Variants in ARHGAP31 observed in about 807,000 individuals in gnomAD.
ARHGAP31 encodes the protein rho GTPase-activating protein 31.
Under a neutral mutation model 113.9 loss-of-function variants are expected in ARHGAP31, and 34 were observed. That is an observed-to-expected ratio of 0.30 (90% CI 0.23 to 0.40). The LOEUF is 0.40. Ranked by LOEUF, ARHGAP31 falls within the 10% of genes least tolerant of loss-of-function variation. The pLI is 1.00. For missense variants in ARHGAP31, 1,548 were observed against 1,767.1 expected, an observed-to-expected ratio of 0.88 and a Z score of 2.22; for synonymous variants, 650 against 684.8, an observed-to-expected ratio of 0.95 and a Z score of 0.79.
intron 1 of ARHGAP31, among the ~76,000 whole-genome samples, chr3:119,326,524 A>G (rs1005433888): frequency 1.3e-5 from 2 of 152,208 alleles, no homozygotes; most frequent in African/African-American, 4.8e-5. Flanking sequence ...ACAGAGGCCT[A>G]GAAGTGGAAA....
At chr3:119,307,043 G>GTTTTTT (rs11451539) in intron 1 of ARHGAP31, among the ~76,000 whole-genome samples, 1 of 148,932 alleles carries the variant, frequency 6.7e-6, no homozygotes, top group Non-Finnish European at 1.5e-5. Context: ...AAGTCTGTTA[G>GTTTTTT]TTTTTTTTTT....
chr3:119,307,686 A>G (rs1054377008), intron 1 of ARHGAP31, among the ~76,000 whole-genome samples: 1 of 152,118 alleles, frequency 6.6e-6, no homozygotes, highest in African/African-American at 2.4e-5. Flanking sequence ...CCTCCCTTAT[A>G]AAGTTTATGA....
chr3:119,337,853 C>T (rs369957448), intron 1 of ARHGAP31, among the ~76,000 whole-genome samples: 1 of 152,346 alleles, frequency 6.6e-6, no homozygotes, highest in South Asian at 2.1e-4. Context: ...GGTGCATTTA[C>T]AATCCTTTAG....
chr3:119,392,173 T>C (rs1451118130), intron 7 of ARHGAP31, among the ~76,000 whole-genome samples: 1 of 152,178 alleles, frequency 6.6e-6, no homozygotes, highest in Admixed American at 6.5e-5. Flanking sequence ...TGGGTCCAGG[T>C]ATGATGACTC....
intron 1 of ARHGAP31, among the ~76,000 whole-genome samples, chr3:119,328,540 C>T (rs1234510119): frequency 6.6e-6 from 1 of 152,172 alleles, no homozygotes; most frequent in Non-Finnish European, 1.5e-5. Context: ...CATTCTTCTT[C>T]TGGACAGTAT....
intron 1 of ARHGAP31, among the ~76,000 whole-genome samples, chr3:119,298,209 C>T (rs1336010242): frequency 6.6e-6 from 1 of 152,180 alleles, no homozygotes. Context: ...CTGCCCCCAA[C>T]CCCCAGCTCT....
chr3:119,358,062 C>G (rs188742983), intron 1 of ARHGAP31, among the ~76,000 whole-genome samples: 2 of 152,188 alleles, frequency 1.3e-5, no homozygotes, highest in Admixed American at 6.5e-5. Flanking sequence ...TCAAAGAACA[C>G]CATCAAGAAA....
intron 6 of ARHGAP31, 102 bp from the exon 7 acceptor site, chr3:119,390,683 C>T: frequency 1.5e-6 from 2 of 1,306,386 alleles, no homozygotes; most frequent in Non-Finnish European, 2.1e-6. Context: ...GGCACTCAGC[C>T]CCCATCATAG....
intron 1 of ARHGAP31, among the ~76,000 whole-genome samples, chr3:119,343,193 G>T (rs2080024622): frequency 6.6e-6 from 1 of 152,154 alleles, no homozygotes; most frequent in South Asian, 2.1e-4. Flanking sequence ...TATTTATTGA[G>T]CTCCTAGTAG....
chr3:119,300,898 A>G (rs2079578542), intron 1 of ARHGAP31, among the ~76,000 whole-genome samples: 1 of 151,884 alleles, frequency 6.6e-6, no homozygotes, highest in Non-Finnish European at 1.5e-5. Context: ...TGAGTCCAGC[A>G]GAGCTGAAGC....
At chr3:119,352,022 G>A (rs2080114893) in intron 1 of ARHGAP31, among the ~76,000 whole-genome samples, 2 of 152,330 alleles carry the variant, frequency 1.3e-5, no homozygotes, top group African/African-American at 2.4e-5. Flanking sequence ...GCCCCATGGA[G>A]TGAGTGATGT....
At position 119,390,988 on chromosome 3, in the gene ARHGAP31, G is replaced by C. The variant is rs1011936666; in HGVS notation, c.881+5G>C. 1 of 1,614,020 alleles carries C rather than the reference G, an allele frequency of 6.2e-7. No homozygotes were observed. Among genetic ancestry groups the C allele is most frequent in the Non-Finnish European group, 8.5e-7 (1 of 1,179,936 alleles). On this transcript the variant is annotated splice_donor_5th_base_variant and intron_variant, in intron 7 of 11. Transcript: ENST00000264245. Reference sequence around the variant, plus strand: ...CCTTGAGTTACCAGACAACAAGTAAGTGGCACTCTTTTAAAAAATTCTAGG... The same window carrying C: ...CCTTGAGTTACCAGACAACAAGTAACTGGCACTCTTTTAAAAAATTCTAGG...
At chr3:119,381,967 C>T (rs1049901978) in intron 4 of ARHGAP31, among the ~76,000 whole-genome samples, 38 of 126,444 alleles carry the variant, frequency 3.0e-4, no homozygotes, top group Non-Finnish European at 5.3e-4. Flanking sequence ...GCCTGGGCGA[C>T]AGAGCGAGAC....
chr3:119,377,328 A>G (rs547566927), intron 3 of ARHGAP31, among the ~76,000 whole-genome samples: 9 of 152,360 alleles, frequency 5.9e-5, no homozygotes, highest in African/African-American at 1.4e-4. Context: ...AAAATAATGC[A>G]GGGCACAGTG....
At chr3:119,313,878 G>C (rs1033384029) in intron 1 of ARHGAP31, among the ~76,000 whole-genome samples, 2 of 152,202 alleles carry the variant, frequency 1.3e-5, no homozygotes, top group Non-Finnish European at 2.9e-5. Context: ...CTTAAGGTAG[G>C]ATCAGAAAAC....
At chr3:119,311,309 C>T (rs1269922020) in intron 1 of ARHGAP31, among the ~76,000 whole-genome samples, 1 of 152,160 alleles carries the variant, frequency 6.6e-6, no homozygotes, top group Non-Finnish European at 1.5e-5. Flanking sequence ...AGAATCTTGC[C>T]ATTTCCAGCT....
intron 1 of ARHGAP31, among the ~76,000 whole-genome samples, chr3:119,350,205 AAG>A (rs1465477401): frequency 6.6e-6 from 1 of 152,130 alleles, no homozygotes; most frequent in Non-Finnish European, 1.5e-5. Context: ...TTCAGCAGGA[AAG>A]AGAGGCCTGG....
intron 1 of ARHGAP31, among the ~76,000 whole-genome samples, chr3:119,358,898 G>A (rs1445384798): frequency 1.3e-5 from 2 of 152,068 alleles, no homozygotes; most frequent in Non-Finnish European, 2.9e-5. Flanking sequence ...AGATGAAAAT[G>A]TTCTGGAATT....
At chr3:119,387,222 G>A (rs1028226847) in intron 6 of ARHGAP31, among the ~76,000 whole-genome samples, 12 of 152,330 alleles carry the variant, frequency 7.9e-5, no homozygotes, top group South Asian at 6.2e-4. Flanking sequence ...TGGCTTCACC[G>A]CTAGACCAAG....
Sources: gnomAD v4.1 joint callset for allele counts (sites outside exome capture counted in the v4.1 genomes callset) on GRCh38, gnomAD v4.1.1 for gene constraint, MANE v1.5 for transcripts, NCBI Gene and HGNC (gene_info 2026-07-23, HGNC 2026-07-21) for gene names.